The following LAMA2 variants were observed in gnomAD, a reference collection of about 807,000 sequenced individuals.
LAMA2 encodes laminin subunit alpha 2, also known as laminin subunit alpha-2.
A neutral mutation model predicts 364.8 loss-of-function variants in LAMA2; 269 were observed. The observed-to-expected ratio is 0.74, with a 90% CI of 0.67 to 0.82. LAMA2 has a LOEUF of 0.82. LAMA2 is among the 40% of genes least tolerant of loss of function. The probability of loss-of-function intolerance (pLI) is 0.00; values close to 1 mark genes in which losing one functional copy is unlikely to be tolerated. For synonymous variants in LAMA2, 1,379 were observed against 1,370.6 expected (o/e 1.01, Z -0.14); for missense variants, 3,807 against 3,873.2 (o/e 0.98, Z 0.45).
intron 9 of LAMA2, among the ~76,000 whole-genome samples, chr6:129,167,101 C>A (rs560882228): frequency 1.3e-5 from 2 of 151,968 alleles, no homozygotes; most frequent in Non-Finnish European, 2.9e-5. Flanking sequence ...CCTCTTCAAC[C>A]TATTTATCCC....
intron 8 of LAMA2, among the ~76,000 whole-genome samples, chr6:129,165,177 A>T (rs1449376003): frequency 1.3e-5 from 2 of 151,870 alleles, no homozygotes; most frequent in East Asian, 3.8e-4. Flanking sequence ...TTCTTGGGCA[A>T]ATAATTTAGT....
intron 1 of LAMA2, among the ~76,000 whole-genome samples, chr6:128,949,225 C>T (rs1327762956): frequency 1.3e-5 from 2 of 152,162 alleles, no homozygotes; most frequent in Non-Finnish European, 2.9e-5. Flanking sequence ...AACTCAAAAC[C>T]AGACCTTGAC....
At chr6:129,101,037 C>G (rs770563715) in intron 4 of LAMA2, among the ~76,000 whole-genome samples, 21 of 152,192 alleles carry the variant, frequency 1.4e-4, no homozygotes, top group Non-Finnish European at 2.9e-4. Context: ...AAATTATGTA[C>G]TTTCACATAA....
At chr6:128,940,855 G>T (rs2114540770) in intron 1 of LAMA2, among the ~76,000 whole-genome samples, 1 of 152,298 alleles carries the variant, frequency 6.6e-6, no homozygotes, top group South Asian at 2.1e-4. Flanking sequence ...AAAGGCTGAA[G>T]TGGGAGGATT....
rs376793095 is a variant in LAMA2 at position 129,391,455 on chromosome 6, T to C, written c.5072-36T>C. ...ACCATGTTTTCATGTGGCATGTTTGTTTACTAATTTACAAAATTTGTTTTA... is the reference window on the plus strand; with the variant it reads ...ACCATGTTTTCATGTGGCATGTTTGCTTACTAATTTACAAAATTTGTTTTA... On this transcript the variant is annotated intron_variant, in intron 35 of 64. Transcript: ENST00000421865. 1.6e-5 allele frequency: 25 copies of C among 1,545,980 alleles called. 1 individual carries two copies. Among genetic ancestry groups the C allele is most frequent in the South Asian group, 1.4e-4 (13 of 89,708 alleles).
At chr6:129,045,458 A>G (rs750878500) in intron 1 of LAMA2, among the ~76,000 whole-genome samples, 2 of 152,232 alleles carry the variant, frequency 1.3e-5, no homozygotes, top group Non-Finnish European at 2.9e-5. Flanking sequence ...ACTTCAAATC[A>G]TAGTTATCAA....
At chr6:129,391,792 CATCTATCTATCTATCT>C in intron 36 of LAMA2, 139 bp downstream of exon 36, 1 of 681,616 alleles carries the variant, frequency 1.5e-6, no homozygotes, top group South Asian at 1.7e-5. Flanking sequence ...TGTTATCTAT[CATCTATCTATCTATCT>C]ATCTATCTAT....
At chr6:129,167,952 T>C (rs1779868863) in intron 9 of LAMA2, among the ~76,000 whole-genome samples, 1 of 150,288 alleles carries the variant, frequency 6.7e-6, no homozygotes, top group Non-Finnish European at 1.5e-5. Flanking sequence ...TTTGGCTGCA[T>C]AAATGTCTTC....
At chr6:129,305,232 C>A (rs890905070) in intron 22 of LAMA2, among the ~76,000 whole-genome samples, 5 of 152,028 alleles carry the variant, frequency 3.3e-5, no homozygotes, top group African/African-American at 1.2e-4. Context: ...ATTTATATAG[C>A]TATTGCAACT....
At chr6:129,407,060 T>C (rs1045060801) in intron 40 of LAMA2, among the ~76,000 whole-genome samples, 1 of 152,102 alleles carries the variant, frequency 6.6e-6, no homozygotes, top group African/African-American at 2.4e-5. Context: ...AGTCAGAAGA[T>C]CTACTCTTTC....
chr6:129,294,911 T>G (rs1437136229), intron 20 of LAMA2, among the ~76,000 whole-genome samples: 1 of 152,150 alleles, frequency 6.6e-6, no homozygotes, highest in African/African-American at 2.4e-5. Context: ...AATGCATACA[T>G]TTACAATAAA....
Position 129,445,795 on chromosome 6 carries a change from A to G in LAMA2, c.6403A>G (p.Asn2135Asp). The change falls in exon 45 of 65, where the codon AAC becomes GAC. Residue 2135 changes from asparagine (N) to aspartate (D), a missense_variant. Physicochemically the swap from Asn to Asp is conservative, Grantham distance 23 (BLOSUM62 1). Around this residue, in one of 3 missense-constraint regions of LAMA2, gnomAD observed 3,333 missense variants for 3,345.7 expected, o/e 1.00. Coordinates refer to ENST00000421865, the MANE Select transcript of LAMA2 (RefSeq NM_000426.4). Reference sequence around the variant, plus strand: ...CATCTCTGAGATAAAGGAATTGATAAACCAAGCTCGGAAACAAGCCAATTC... The same window carrying G: ...CATCTCTGAGATAAAGGAATTGATAGACCAAGCTCGGAAACAAGCCAATTC... ...KNISEIKELI[N>D]QARKQANSIK... 1 of 1,613,808 alleles carries G rather than the reference A, an allele frequency of 6.2e-7. No homozygotes were observed. Among genetic ancestry groups the G allele is most frequent in the Non-Finnish European group, 8.5e-7 (1 of 1,179,790 alleles).
chr6:129,129,436 G>A (rs1777315849), intron 4 of LAMA2, among the ~76,000 whole-genome samples: 1 of 152,160 alleles, frequency 6.6e-6, no homozygotes, highest in Non-Finnish European at 1.5e-5. Flanking sequence ...TGTACATACA[G>A]ATTGTACACA....
chr6:128,890,542 TAC>T lies in LAMA2; in HGVS notation c.112+7211_112+7212del, dbSNP rs56972149. On this transcript the variant is annotated intron_variant, in intron 1 of 64. Coordinates refer to ENST00000421865, the MANE Select transcript of LAMA2 (RefSeq NM_000426.4). ...TCTTGAAGGGTCTTTTTCATTTAAA[TAC>T]ACACACACACACACACACACACACA... Among the ~76,000 whole-genome samples the T allele has an allele frequency of 5.9e-3, 862 of 146,838 alleles. 4 individuals are homozygous for T. The highest frequency in any genetic ancestry group is 0.016 in the African/African-American group (658 of 40,236).
In LAMA2 at chr6:129,512,264, A is replaced by G; in HGVS notation, c.8858-99A>G. The G allele has an allele frequency of 4.2e-6, 5 of 1,181,346 alleles. No homozygotes were observed. The South Asian group carries it at 5.3e-5, about 13-fold the overall frequency. 73.2% of individuals were successfully genotyped at this position (1,181,346 alleles called of 1,614,324 possible). On this transcript the variant is annotated intron_variant, in intron 62 of 64. Transcript: ENST00000421865. ...ATAGCCCTCATTAGAATTAGCTAGC[A>G]TTTGAATTGAAATATAATAAAAAGT... is the stretch of plus-strand genomic sequence containing the variant.
In LAMA2 at chr6:129,241,725, C is replaced by T. The variant is rs1379452725; in HGVS notation, c.1783-8387C>T. On this transcript the variant is annotated intron_variant, in intron 12 of 64. Transcript: ENST00000421865. ...ATTAACAGACATGTCAAACAACTAA[C>T]ACAACCCTTTACCTGTTTATTTTGG... is the stretch of plus-strand genomic sequence containing the variant. Among the ~76,000 whole-genome samples the T allele has an allele frequency of 2.0e-5, 3 of 152,126 alleles. No individual in the cohort carries two copies. The East Asian group carries it at 5.8e-4, about 29-fold the overall frequency.
chr6:128,973,597 G>GC (rs1165670393), intron 1 of LAMA2, among the ~76,000 whole-genome samples: 13 of 151,982 alleles, frequency 8.6e-5, no homozygotes, highest in Non-Finnish European at 1.5e-5. Context: ...TAACTTATTG[G>GC]CTTATTATTT....
Position 129,267,142 on chromosome 6 carries a change from A to G in LAMA2, c.2245A>G (p.Ile749Val). Residue 749 changes from isoleucine (I) to valine (V), a missense_variant, in exon 16 of 65, where the codon ATT becomes GTT. This residue lies in a region of LAMA2 where 3,333 missense variants were observed against 3,345.7 expected (regional missense o/e 1.00). Transcript: ENST00000421865. ...WPRHRRVNGTIFGGICEPCQC... is the reference protein window; with the variant it reads ...WPRHRRVNGTVFGGICEPCQC... Reference sequence around the variant, plus strand: ...TAGGCACAGGCGAGTTAACGGCACTATTTTTGGTGGCATCTGTGAGCCATG... The same window carrying G: ...TAGGCACAGGCGAGTTAACGGCACTGTTTTTGGTGGCATCTGTGAGCCATG... The G allele has an allele frequency of 1.2e-6, 2 of 1,613,272 alleles. No individual in the cohort carries two copies. Among genetic ancestry groups the G allele is most frequent in the South Asian group, 1.1e-5 (1 of 91,072 alleles).
chr6:128,981,751 A>G (rs565686681), intron 1 of LAMA2, among the ~76,000 whole-genome samples: 1 of 152,216 alleles, frequency 6.6e-6, no homozygotes, highest in Admixed American at 6.5e-5. Flanking sequence ...GCCTGTCTCA[A>G]AAAGAAAATA....
Sources: allele counts gnomAD v4.1 joint callset (sites outside exome capture counted in the v4.1 genomes callset), GRCh38; gene constraint gnomAD v4.1.1; regional missense constraint gnomAD v4.1.1; transcripts MANE v1.5; gene names NCBI Gene and HGNC (gene_info 2026-07-23, HGNC 2026-07-21).